FHIT: variants seen among roughly 807,000 people sequenced by gnomAD.
FHIT encodes the protein fragile histidine triad diadenosine triphosphatase, also known as bis(5'-adenosyl)-triphosphatase.
FHIT carries 19 observed loss-of-function variants against 17.9 expected under a neutral mutation model. The ratio of observed to expected loss-of-function variants is 1.06; its 90% CI spans 0.74 to 1.56. The LOEUF (loss-of-function observed/expected upper bound fraction) is 1.56. Ranked by LOEUF, FHIT falls within the 40% of genes most tolerant of loss-of-function variation. The probability of loss-of-function intolerance (pLI) is 0.00; values close to 1 mark genes in which losing one functional copy is unlikely to be tolerated. For missense variants in FHIT, 248 were observed against 189.2 expected, an observed-to-expected ratio of 1.31 and a Z score of -1.82; for synonymous variants, 81 against 69.7, an observed-to-expected ratio of 1.16 and a Z score of -0.81.
rs150785044 is a variant in FHIT, at chr3:60,247,336, C to A, written c.104-233184G>T. Among the ~76,000 whole-genome samples the A allele has an allele frequency of 2.4e-3, 358 of 150,756 alleles. 1 individual carries two copies. Among genetic ancestry groups the A allele is most frequent in the African/African-American group, 8.0e-3 (328 of 40,960 alleles). On this transcript the variant is annotated intron_variant, in intron 5 of 9. Coordinates refer to ENST00000492590, the MANE Select transcript of FHIT (RefSeq NM_002012.4). The stretch of plus-strand genomic sequence containing the variant: ...CCCTGAAGTTTAAGGCCAGCCTGGG[C>A]AAATATCACAAGACCTTGCATCAGA...
chr3:61,171,982 G>C (rs2038018456), intron 2 of FHIT, among the ~76,000 whole-genome samples: 2 of 152,160 alleles, frequency 1.3e-5, no homozygotes. Context: ...GATAGAGATG[G>C]ACGGGGGAAA....
chr3:59,810,642 C>G (rs1462159920), intron 8 of FHIT, among the ~76,000 whole-genome samples: 1 of 152,168 alleles, frequency 6.6e-6, no homozygotes, highest in African/African-American at 2.4e-5. Flanking sequence ...TAATTTATAG[C>G]ATATTCATCA....
intron 5 of FHIT, among the ~76,000 whole-genome samples, chr3:60,514,777 G>A (rs774221129): frequency 6.6e-6 from 1 of 152,224 alleles, no homozygotes; most frequent in South Asian, 2.1e-4. Context: ...TGAGAGGAGA[G>A]AAATCTTTCC....
intron 5 of FHIT, among the ~76,000 whole-genome samples, chr3:60,093,707 A>C (rs1703824282): frequency 6.6e-6 from 1 of 152,190 alleles, no homozygotes; most frequent in African/African-American, 2.4e-5. Flanking sequence ...CCCTACTATG[A>C]ACTGCACATG....
chr3:59,818,814 G>C (rs745688728), intron 8 of FHIT, among the ~76,000 whole-genome samples: 1 of 152,176 alleles, frequency 6.6e-6, no homozygotes, highest in African/African-American at 2.4e-5. Context: ...AGAGTTCTTA[G>C]GAGACAGGTC....
chr3:61,060,068 C>G (rs2034371959), intron 2 of FHIT, among the ~76,000 whole-genome samples: 1 of 152,090 alleles, frequency 6.6e-6, no homozygotes, highest in South Asian at 2.1e-4. Context: ...CCACCTTGCA[C>G]CCTGAGCTGC....
At chr3:60,895,622 G>T (rs1705750418) in intron 3 of FHIT, among the ~76,000 whole-genome samples, 1 of 151,590 alleles carries the variant, frequency 6.6e-6, no homozygotes, top group African/African-American at 2.4e-5. Context: ...AGAAACAGCT[G>T]CCCTTTCTCC....
At chr3:60,184,551 C>T (rs1702080629) in intron 5 of FHIT, among the ~76,000 whole-genome samples, 1 of 152,184 alleles carries the variant, frequency 6.6e-6, no homozygotes. Flanking sequence ...CACATCATAG[C>T]AACGTCCATA....
chr3:60,676,224 A>G (rs1206272689), intron 4 of FHIT, among the ~76,000 whole-genome samples: 2 of 152,080 alleles, frequency 1.3e-5, no homozygotes, highest in Non-Finnish European at 2.9e-5. Context: ...GGTATAATTT[A>G]TTTTCTTAGC....
chr3:59,995,085 A>G (rs1049747027), intron 7 of FHIT, among the ~76,000 whole-genome samples: 7 of 152,022 alleles, frequency 4.6e-5, no homozygotes, highest in Admixed American at 3.9e-4. Context: ...GGGTCTGGGT[A>G]TGTCTGAGCT....
intron 1 of FHIT, among the ~76,000 whole-genome samples, chr3:61,224,176 C>T (rs1289433199): frequency 6.6e-6 from 1 of 152,128 alleles, no homozygotes; most frequent in African/African-American, 2.4e-5. Flanking sequence ...GCTGGGATCC[C>T]TAAGGGCCGT....
At chr3:60,041,449 C>G (rs531049479) in intron 5 of FHIT, among the ~76,000 whole-genome samples, 1 of 152,158 alleles carries the variant, frequency 6.6e-6, no homozygotes. Context: ...TAATAATTAC[C>G]GCCAAGGTTG....
intron 5 of FHIT, among the ~76,000 whole-genome samples, chr3:60,511,732 C>T (rs1023837269): frequency 6.6e-6 from 1 of 152,090 alleles, no homozygotes; most frequent in Non-Finnish European, 1.5e-5. Flanking sequence ...TTCTAATTAT[C>T]TTCTATTTAA....
intron 8 of FHIT, among the ~76,000 whole-genome samples, chr3:59,773,019 T>C (rs928586811): frequency 1.3e-5 from 2 of 152,230 alleles, no homozygotes; most frequent in African/African-American, 4.8e-5. Flanking sequence ...ACAAGTCCTC[T>C]TTTTCCTACT....
intron 8 of FHIT, among the ~76,000 whole-genome samples, chr3:59,844,272 A>G (rs1701636280): frequency 6.6e-6 from 1 of 152,138 alleles, no homozygotes; most frequent in Non-Finnish European, 1.5e-5. Flanking sequence ...TTCATTTTCA[A>G]TTTGGATGCC....
intron 8 of FHIT, among the ~76,000 whole-genome samples, chr3:59,809,731 GGAGAA>G (rs1700340806): frequency 2.6e-5 from 4 of 152,132 alleles, no homozygotes. Flanking sequence ...CTTGTTTCCA[GGAGAA>G]GAGAAGATTG....
chr3:60,057,429 T>C (rs1702124998), intron 5 of FHIT, among the ~76,000 whole-genome samples: 1 of 152,144 alleles, frequency 6.6e-6, no homozygotes, highest in African/African-American at 2.4e-5. Flanking sequence ...TCTGGATAAA[T>C]ATGTGGTAGG....
chr3:59,799,154 TTAG>T (rs1489566513), intron 8 of FHIT, among the ~76,000 whole-genome samples: 1 of 152,246 alleles, frequency 6.6e-6, no homozygotes, highest in African/African-American at 2.4e-5. Flanking sequence ...AATACCATTC[TTAG>T]TAGAATAAAC....
intron 4 of FHIT, among the ~76,000 whole-genome samples, chr3:60,697,628 T>A (rs981637821): frequency 6.6e-6 from 1 of 152,096 alleles, no homozygotes; most frequent in Admixed American, 6.6e-5. Flanking sequence ...ATATATATAT[T>A]TTAAAAGACA....
Sources: allele counts gnomAD v4.1 joint callset (sites outside exome capture counted in the v4.1 genomes callset), GRCh38; gene constraint gnomAD v4.1.1; transcripts MANE v1.5; gene names NCBI Gene and HGNC (gene_info 2026-07-23, HGNC 2026-07-21).